Variants in PCSK6 observed in about 807,000 individuals in gnomAD.
The protein encoded by PCSK6 is proprotein convertase subtilisin/kexin type 6, also known as paired basic amino acid cleaving enzyme 4.
Under a neutral mutation model 123.3 loss-of-function variants are expected in PCSK6, and 85 were observed. The ratio of observed to expected loss-of-function variants is 0.69; its 90% CI spans 0.58 to 0.83. PCSK6 has a LOEUF of 0.83. PCSK6 is among the 40% of genes least tolerant of loss of function. The pLI is 0.00. For synonymous variants in PCSK6, 508 were observed against 516.0 expected (o/e 0.98, Z 0.21); for missense variants, 1,191 against 1,282.3 (o/e 0.93, Z 1.09).
rs542676970 is a variant in PCSK6 at position 101,362,933 on chromosome 15, C to T, written c.1858+3263G>A. 5.8e-4 allele frequency among the ~76,000 whole-genome samples: 88 copies of T among 152,272 alleles called. 1 individual carries two copies. Among genetic ancestry groups the T allele is most frequent in the African/African-American group, 2.1e-3 (86 of 41,546 alleles). ...CAACCTGGGGAGGACAGAGATGGGA[C>T]CATAGGCTTGGGCAATGTGGAAACG... On this transcript the variant is annotated intron_variant, in intron 13 of 21. Transcript: ENST00000611716.
rs572022928 is a variant in PCSK6, at chr15:101,372,267, G to A, written c.1533-1744C>T. On this transcript the variant is annotated intron_variant, in intron 11 of 21. Transcript: ENST00000611716. Reference sequence around the variant, plus strand: ...CGGTGCTTGGCTTATTACGGGGAGCGCTTTTCCCATTATGCCTGGACTCTC... The same window carrying A: ...CGGTGCTTGGCTTATTACGGGGAGCACTTTTCCCATTATGCCTGGACTCTC... 7.2e-5 allele frequency among the ~76,000 whole-genome samples: 11 copies of A among 152,268 alleles called. 1 individual carries two copies. In the South Asian group the frequency reaches 2.1e-3, roughly 29 times the overall value.
chr15:101,397,610 A>T (rs1279641146), intron 7 of PCSK6, among the ~76,000 whole-genome samples: 1 of 151,912 alleles, frequency 6.6e-6, no homozygotes, highest in Non-Finnish European at 1.5e-5. Context: ...TTGGGCTGGG[A>T]CCTGTTCGGC....
At chr15:101,397,105 G>A (rs1486996702) in intron 7 of PCSK6, among the ~76,000 whole-genome samples, 1 of 152,122 alleles carries the variant, frequency 6.6e-6, no homozygotes, top group Admixed American at 6.5e-5. Flanking sequence ...GCCCGGGAAA[G>A]GTAAGAAGTG....
intron 4 of PCSK6, 117 bp downstream of exon 4, chr15:101,431,203 C>T (rs1596326012): frequency 9.7e-7 from 1 of 1,030,386 alleles, no homozygotes; most frequent in Non-Finnish European, 1.4e-6. Context: ...GTTTTCTTTA[C>T]TGCCTAACTT....
chr15:101,365,116 C>A, intron 13 of PCSK6: 2 of 656,226 alleles, frequency 3.0e-6, no homozygotes, highest in Non-Finnish European at 5.8e-6. Flanking sequence ...GAGTTTGGAC[C>A]CCTACCTCAC....
chr15:101,374,515 G>T lies in PCSK6; in HGVS notation c.1533-3992C>A, dbSNP rs148436363. Among the ~76,000 whole-genome samples the T allele has an allele frequency of 6.1e-4, 93 of 152,096 alleles. No individual in the cohort carries two copies. The Middle Eastern group carries it at 0.01, about 17-fold the overall frequency. ...GGACCAACCTGGATCCTTGCACAAC[G>T]CACTTGCTTTGTTCCTCACTGGGCC... On this transcript the variant is annotated intron_variant, in intron 11 of 21. Coordinates refer to ENST00000611716, the MANE Select transcript of PCSK6 (RefSeq NM_002570.5).
chr15:101,417,614 A>G (rs1443753827), intron 6 of PCSK6, among the ~76,000 whole-genome samples: 2 of 152,210 alleles, frequency 1.3e-5, no homozygotes, highest in South Asian at 2.1e-4. Context: ...CATATAATTA[A>G]ACTAGTAAGA....
At chr15:101,427,638 G>A (rs563667418) in intron 6 of PCSK6, among the ~76,000 whole-genome samples, 4 of 152,246 alleles carry the variant, frequency 2.6e-5, no homozygotes, top group Non-Finnish European at 5.9e-5. Flanking sequence ...CCAGAGGAGA[G>A]AGGGTACCTT....
At chr15:101,411,268 G>A (rs772609483) in intron 6 of PCSK6, among the ~76,000 whole-genome samples, 4 of 152,160 alleles carry the variant, frequency 2.6e-5, no homozygotes, top group East Asian at 1.9e-4. Flanking sequence ...AACAGGCCTC[G>A]GAGTAAGGAG....
intron 12 of PCSK6, among the ~76,000 whole-genome samples, chr15:101,368,760 G>A (rs1225298594): frequency 6.6e-6 from 1 of 152,200 alleles, no homozygotes; most frequent in East Asian, 1.9e-4. Flanking sequence ...ACACACACTC[G>A]CCCACCTGCT....
chr15:101,405,846 G>A (rs142319399), intron 6 of PCSK6, among the ~76,000 whole-genome samples: 46 of 152,088 alleles, frequency 3.0e-4, no homozygotes, highest in African/African-American at 9.2e-4. Context: ...AGGTTCGAGC[G>A]ATTCTCCTGC....
intron 13 of PCSK6, among the ~76,000 whole-genome samples, chr15:101,339,349 C>T (rs1567151268): frequency 6.6e-6 from 1 of 152,140 alleles, no homozygotes; most frequent in Non-Finnish European, 1.5e-5. Flanking sequence ...AGAAAAATCA[C>T]GTAAATATGT....
intron 16 of PCSK6, among the ~76,000 whole-genome samples, chr15:101,326,006 T>C (rs1236635632): frequency 1.3e-5 from 2 of 152,350 alleles, no homozygotes; most frequent in East Asian, 1.9e-4. Flanking sequence ...CCAAGAGCCA[T>C]GTCCCCTGAG....
intron 11 of PCSK6, among the ~76,000 whole-genome samples, chr15:101,377,792 T>C (rs538273318): frequency 5.3e-5 from 8 of 152,338 alleles, no homozygotes; most frequent in African/African-American, 1.9e-4. Context: ...AGCAACACAT[T>C]GGCTTTTGGG....
intron 1 of PCSK6, among the ~76,000 whole-genome samples, chr15:101,457,135 G>C (rs978100331): frequency 2.6e-5 from 4 of 152,014 alleles, no homozygotes; most frequent in Non-Finnish European, 4.4e-5. Context: ...TCGTGCCACC[G>C]CACTCCAGCC....
chr15:101,407,305 G>A (rs1211402069), intron 6 of PCSK6, among the ~76,000 whole-genome samples: 1 of 152,180 alleles, frequency 6.6e-6, no homozygotes, highest in Non-Finnish European at 1.5e-5. Context: ...TGAGGCCCTG[G>A]CCCTGGTACT....
chr15:101,457,057 C>T (rs2057203791), intron 1 of PCSK6, among the ~76,000 whole-genome samples: 1 of 152,124 alleles, frequency 6.6e-6, no homozygotes, highest in Non-Finnish European at 1.5e-5. Flanking sequence ...CCTGTAATCC[C>T]AGCTACTTGG....
At chr15:101,437,282 G>A (rs2056627885) in intron 2 of PCSK6, among the ~76,000 whole-genome samples, 1 of 152,208 alleles carries the variant, frequency 6.6e-6, no homozygotes, top group Non-Finnish European at 1.5e-5. Context: ...ACATGGTTTC[G>A]TGAGAGCCCA....
At chr15:101,454,706 C>T (rs1011395052) in intron 1 of PCSK6, among the ~76,000 whole-genome samples, 2 of 151,790 alleles carry the variant, frequency 1.3e-5, no homozygotes, top group South Asian at 2.1e-4. Flanking sequence ...TTTGGGAGGC[C>T]GAGGCAGGTG....
Sources: allele counts gnomAD v4.1 joint callset (sites outside exome capture counted in the v4.1 genomes callset), GRCh38; gene constraint gnomAD v4.1.1; transcripts MANE v1.5; gene names NCBI Gene and HGNC (gene_info 2026-07-23, HGNC 2026-07-21).